The following FGF12 variants were observed in gnomAD, a reference collection of about 807,000 sequenced individuals.
The protein encoded by FGF12 is fibroblast growth factor 12B.
In FGF12, 14 loss-of-function variants were observed where a neutral mutation model predicts 23.6. The ratio of observed to expected loss-of-function variants is 0.59; its 90% CI spans 0.39 to 0.93. FGF12 has a LOEUF of 0.93. FGF12 is among the 40% of genes least tolerant of loss of function. FGF12 has a pLI of 0.00. For missense variants in FGF12, 175 were observed against 217.8 expected, an observed-to-expected ratio of 0.80 and a Z score of 1.24; for synonymous variants, 62 against 77.3, an observed-to-expected ratio of 0.80 and a Z score of 1.04.
chr3:192,325,590 A>G (rs1382753197), intron 4 of FGF12, among the ~76,000 whole-genome samples: 1 of 152,166 alleles, frequency 6.6e-6, no homozygotes, highest in Non-Finnish European at 1.5e-5. Context: ...TTTCCATGAG[A>G]AAGTACGTTG....
chr3:192,690,174 CA>C (rs1408448685), intron 2 of FGF12, among the ~76,000 whole-genome samples: 1 of 151,810 alleles, frequency 6.6e-6, no homozygotes, highest in African/African-American at 2.4e-5. Context: ...TGGGATGAAA[CA>C]AAAGGCTTAC....
At chr3:192,263,096 T>C (rs1429416473) in intron 4 of FGF12, among the ~76,000 whole-genome samples, 1 of 152,106 alleles carries the variant, frequency 6.6e-6, no homozygotes, top group Admixed American at 6.6e-5. Flanking sequence ...TTTCTATTTT[T>C]CTACTCTGTA....
chr3:192,420,918 A>G (rs1271330781), intron 2 of FGF12, among the ~76,000 whole-genome samples: 1 of 152,190 alleles, frequency 6.6e-6, no homozygotes, highest in Non-Finnish European at 1.5e-5. Context: ...CAAGAATCAC[A>G]ATTTGGAAAA....
At chr3:192,707,626 A>C (rs1419299409) in intron 2 of FGF12, among the ~76,000 whole-genome samples, 1 of 151,376 alleles carries the variant, frequency 6.6e-6, no homozygotes, top group Non-Finnish European at 1.5e-5. Context: ...GGTGCCTGTA[A>C]TCCCAGCTAC....
intron 2 of FGF12, among the ~76,000 whole-genome samples, chr3:192,442,808 CTTTT>C (rs764710938): frequency 1.4e-5 from 2 of 139,752 alleles, no homozygotes; most frequent in Non-Finnish European, 1.6e-5. Flanking sequence ...TGTATTCTAT[CTTTT>C]TTTTTTTTTT....
At chr3:192,439,800 C>A (rs1022625038) in intron 2 of FGF12, among the ~76,000 whole-genome samples, 1 of 151,926 alleles carries the variant, frequency 6.6e-6, no homozygotes, top group Non-Finnish European at 1.5e-5. Flanking sequence ...GATGGTGAAA[C>A]CCCGTCTCTA....
Position 192,674,210 on chromosome 3 carries a change from C to T in FGF12, c.13+52971G>A, listed in dbSNP as rs1309241334. The stretch of plus-strand genomic sequence containing the variant: ...ATGTACCATAGACTTGGGTCAGCTG[C>T]TTTGTATCTAATCAAAACACCATGA... On this transcript the variant is annotated intron_variant, in intron 2 of 5. Transcript: ENST00000445105. 1.3e-5 allele frequency among the ~76,000 whole-genome samples: 2 copies of T among 152,114 alleles called. 1 individual carries two copies. The highest frequency in any genetic ancestry group is 2.9e-5 in the Non-Finnish European group (2 of 67,998).
At chr3:192,513,216 C>A (rs1193335813) in intron 2 of FGF12, among the ~76,000 whole-genome samples, 2 of 152,094 alleles carry the variant, frequency 1.3e-5, no homozygotes, top group Non-Finnish European at 2.9e-5. Flanking sequence ...CATATCTCTA[C>A]TGGCTTCTTG....
At chr3:192,522,837 A>G (rs1724855991) in intron 2 of FGF12, among the ~76,000 whole-genome samples, 2 of 152,198 alleles carry the variant, frequency 1.3e-5, no homozygotes, top group South Asian at 4.1e-4. Context: ...GTTTGCCACA[A>G]TTTGTGTAAT....
chr3:192,538,650 T>C (rs180869291), intron 2 of FGF12, among the ~76,000 whole-genome samples: 1 of 152,066 alleles, frequency 6.6e-6, no homozygotes, highest in Non-Finnish European at 1.5e-5. Flanking sequence ...ATTTTCAAAA[T>C]TTTTTTTCTA....
intron 2 of FGF12, among the ~76,000 whole-genome samples, chr3:192,635,600 T>TGAC (rs1560176635): frequency 1.3e-5 from 2 of 152,248 alleles, no homozygotes; most frequent in Non-Finnish European, 2.9e-5. Flanking sequence ...TGACTTGGCC[T>TGAC]GACACCGTGT....
Position 192,360,040 on chromosome 3 carries a change from T to C in FGF12, c.124+388A>G, listed in dbSNP as rs548970051. On this transcript the variant is annotated intron_variant, in intron 3 of 5. Transcript: ENST00000445105. This position sits in a 1 kb window ranked among gnomAD's most constrained non-coding sequence, Gnocchi z 4.3. ...GTCAGAAATTGTGTTCTAAGAAATA[T>C]AGAACTTGTTCATTATTGAACTATA... Among the ~76,000 whole-genome samples, 12 of 152,242 alleles carry C rather than the reference T, an allele frequency of 7.9e-5. No individual in the cohort carries two copies. Among genetic ancestry groups the C allele is most frequent in the African/African-American group, 2.9e-4 (12 of 41,556 alleles).
At chr3:192,682,286 C>G (rs1370944528) in intron 2 of FGF12, among the ~76,000 whole-genome samples, 6 of 152,108 alleles carry the variant, frequency 3.9e-5, no homozygotes, top group Admixed American at 2.0e-4. Flanking sequence ...GGTGCACACA[C>G]AGTCATGCAT....
intron 2 of FGF12, among the ~76,000 whole-genome samples, chr3:192,694,947 G>A (rs1386630805): frequency 6.6e-6 from 1 of 151,984 alleles, no homozygotes; most frequent in Non-Finnish European, 1.5e-5. Flanking sequence ...GAGATCTAGT[G>A]TACAGCATAA....
At chr3:192,156,380 C>T (rs1714420440) in intron 5 of FGF12, among the ~76,000 whole-genome samples, 1 of 152,128 alleles carries the variant, frequency 6.6e-6, no homozygotes, top group Non-Finnish European at 1.5e-5. Flanking sequence ...TGGGGCAACA[C>T]TTGTGATATA....
intron 4 of FGF12, among the ~76,000 whole-genome samples, chr3:192,193,436 A>C (rs981107874): frequency 1.3e-5 from 2 of 152,150 alleles, no homozygotes; most frequent in South Asian, 4.1e-4. Context: ...ACAGGTAATA[A>C]AGGACTCACT....
chr3:192,202,286 T>C (rs1717409935), intron 4 of FGF12, among the ~76,000 whole-genome samples: 1 of 152,218 alleles, frequency 6.6e-6, no homozygotes, highest in Non-Finnish European at 1.5e-5. Flanking sequence ...GTAGCTCTAA[T>C]GAAAGCATTA....
At chr3:192,669,944 G>C (rs533104637) in intron 2 of FGF12, among the ~76,000 whole-genome samples, 1 of 152,280 alleles carries the variant, frequency 6.6e-6, no homozygotes, top group African/African-American at 2.4e-5. Flanking sequence ...AGCATAAAGA[G>C]TTAATTGATA....
At chr3:192,334,804 A>G (rs1717311111) in intron 4 of FGF12, among the ~76,000 whole-genome samples, 2 of 152,186 alleles carry the variant, frequency 1.3e-5, no homozygotes, top group Non-Finnish European at 2.9e-5. Context: ...AAATGCAAAT[A>G]AAACTCAAAT....
Sources: gnomAD v4.1 joint callset for allele counts (sites outside exome capture counted in the v4.1 genomes callset) on GRCh38, gnomAD v4.1.1 for gene constraint, Gnocchi (gnomAD v3.1) non-coding constraint, MANE v1.5 for transcripts, NCBI Gene and HGNC (gene_info 2026-07-23, HGNC 2026-07-21) for gene names.